The following TTC39A variants were observed in gnomAD, a reference collection of about 807,000 sequenced individuals.
The protein encoded by TTC39A is tetratricopeptide repeat domain 39A.
A neutral mutation model predicts 82.3 loss-of-function variants in TTC39A; 46 were observed. The ratio of observed to expected loss-of-function variants is 0.56; its 90% CI spans 0.44 to 0.71. The LOEUF (loss-of-function observed/expected upper bound fraction) is 0.71. Among genes scored for constraint, TTC39A ranks in the 30% least tolerant of loss-of-function variants. TTC39A has a pLI of 0.00. For missense variants in TTC39A, 543 were observed against 712.9 expected (o/e 0.76, Z 2.71); for synonymous variants, 254 against 275.2 (o/e 0.92, Z 0.76).
chr1:51,333,220 C>CAAA (rs748559262), upstream of TTC39A, among the ~76,000 whole-genome samples: 257 of 80,022 alleles, frequency 3.2e-3, 1 homozygote, highest in East Asian at 0.015. Flanking sequence ...TCGCCCCCAC[C>CAAA]AAAAAAAAAA....
chr1:51,300,835 C>T (rs1249374279), intron 12 of TTC39A: 2 of 152,270 alleles, frequency 1.3e-5, no homozygotes, highest in South Asian at 2.1e-4. Context: ...CTTCCCACCC[C>T]TCTGTTCCAG....
intron 2 of TTC39A, among the ~76,000 whole-genome samples, chr1:51,319,769 C>T (rs1212447364): frequency 6.6e-6 from 1 of 151,472 alleles, no homozygotes; most frequent in Non-Finnish European, 1.5e-5. Flanking sequence ...CTGCTCACTG[C>T]AACCTCCACC....
chr1:51,320,342 A>T (rs1375123937), intron 2 of TTC39A, among the ~76,000 whole-genome samples: 4 of 151,932 alleles, frequency 2.6e-5, no homozygotes, highest in African/African-American at 9.7e-5. Context: ...TGCAATAAGC[A>T]TTAATCACAA....
rs974789810 is a variant in TTC39A, at chr1:51,330,163, C to G, written c.41+274G>C. 1.5e-5 allele frequency: 15 copies of G among 985,628 alleles called. No individual in the cohort carries two copies. The highest frequency in any genetic ancestry group is 1.8e-5 in the Non-Finnish European group (15 of 830,104). The allele number at this position is 985,628 out of a possible 1,614,324, so 61.1% of individuals were successfully genotyped here. A position where few individuals can be genotyped will look rare whatever the true frequency, so the allele number is the denominator to read the frequency against. ...GCCACGAGGCAGGTGGGGAAGGCTG[C>G]TCTGAACGTGTCTGTGACTACAGCT... On this transcript the variant is annotated intron_variant, in intron 1 of 17. Transcript: ENST00000680483. The surrounding 1 kb of genome is among the most constrained non-coding windows in gnomAD (Gnocchi z 4.5).
chr1:51,288,940 T>A lies in TTC39A; in HGVS notation c.1509A>T (p.Lys503Asn). Residue 503 changes from lysine to asparagine, a missense_variant, in exon 17 of 18, where the codon AAA becomes AAT. Coordinates refer to ENST00000680483, the MANE Select transcript of TTC39A (RefSeq NM_001297663.2). This position sits in a 1 kb window ranked among gnomAD's most constrained non-coding sequence, Gnocchi z 4.8. ...RSISANEKKI[K>N]YDHYLIPNAL... ...CGTTTGGGATCAAGTAGTGGTCATA[T>A]TTAATCTTCTTTTCACTGCAGAACA... 1 of 1,603,674 alleles carries A rather than the reference T, an allele frequency of 6.2e-7. No homozygotes were observed. The highest frequency in any genetic ancestry group is 8.5e-7 in the Non-Finnish European group (1 of 1,175,020).
At chr1:51,289,958 T>A (rs772901236) in intron 16 of TTC39A, 47 bp downstream of exon 16, 1 of 1,531,534 alleles carries the variant, frequency 6.5e-7, no homozygotes. Flanking sequence ...CTGAATATTC[T>A]ACCCAGGAGA....
At chr1:51,319,639 GA>G (rs760092648) in intron 2 of TTC39A, among the ~76,000 whole-genome samples, 20 of 151,004 alleles carry the variant, frequency 1.3e-4, no homozygotes, top group Non-Finnish European at 1.0e-4. Context: ...AATTCTTAGG[GA>G]AAAAAATATA....
At chr1:51,291,667 A>T (rs1420047377) in intron 14 of TTC39A, among the ~76,000 whole-genome samples, 1 of 144,966 alleles carries the variant, frequency 6.9e-6, no homozygotes, top group Admixed American at 6.9e-5. Context: ...TTAGCCAGGC[A>T]TGGTGGTGCA....
At chr1:51,309,434 G>GTC (rs1644999694) in intron 5 of TTC39A, 109 bp from the exon 6 acceptor site, 1 of 1,577,772 alleles carries the variant, frequency 6.3e-7, no homozygotes, top group Non-Finnish European at 8.6e-7. Flanking sequence ...AGGAACCCTG[G>GTC]GGGGATGAGG....
At chr1:51,313,687 C>G (rs1255326575) in intron 2 of TTC39A, among the ~76,000 whole-genome samples, 2 of 152,172 alleles carry the variant, frequency 1.3e-5, no homozygotes, top group African/African-American at 4.8e-5. Flanking sequence ...TTTGCCCAGC[C>G]TGTTCCCTCA....
intron 2 of TTC39A, among the ~76,000 whole-genome samples, chr1:51,319,462 C>T (rs181343729): frequency 9.1e-4 from 139 of 152,162 alleles, no homozygotes; most frequent in African/African-American, 3.2e-3. Context: ...ACTGAGAACC[C>T]GCATAACAAT....
At chr1:51,334,569 C>A (rs1645951241), upstream of TTC39A, among the ~76,000 whole-genome samples, 3 of 151,470 alleles carry the variant, frequency 2.0e-5, no homozygotes, top group Admixed American at 6.6e-5. Flanking sequence ...GCAGGAGGAT[C>A]AATGGAGCCC....
intron 12 of TTC39A, 76 bp downstream of exon 12, chr1:51,301,496 G>A: frequency 6.7e-7 from 1 of 1,489,280 alleles, no homozygotes; most frequent in South Asian, 1.3e-5. Flanking sequence ...TGTTCAGTTA[G>A]GGATTTGGCC....
rs1645134179 is a variant in TTC39A at position 51,312,798 on chromosome 1, C to A, written c.278+14G>T. 2 of 1,611,922 alleles carry A rather than the reference C, an allele frequency of 1.2e-6. No homozygotes were observed. Among genetic ancestry groups the A allele is most frequent in the East Asian group, 2.2e-5 (1 of 44,852 alleles). On this transcript the variant is annotated intron_variant, in intron 3 of 17. Transcript: ENST00000680483. ...GCCTCCCAACCTCTGATCCCTGCCC[C>A]CAATGCCCCCAACCTCTGACACAGC...
intron 4 of TTC39A, 136 bp downstream of exon 4, chr1:51,311,983 T>C (rs1645100083): frequency 1.1e-6 from 1 of 946,228 alleles, no homozygotes; most frequent in East Asian, 2.6e-5. Flanking sequence ...GCCCCAGCTC[T>C]GACCCATGTG....
chr1:51,296,049 T>C lies in TTC39A; in HGVS notation c.1145+30A>G, dbSNP rs111674609. 47 of 1,555,990 alleles carry C rather than the reference T, an allele frequency of 3.0e-5. 1 individual carries two copies. In the African/African-American group the frequency reaches 4.4e-4, roughly 14 times the overall value. The stretch of plus-strand genomic sequence containing the variant: ...AGCGGCCTACACGGTGGGAGTGGCC[T>C]ACACAGTGGGAGCACGATGTGGGAC... On this transcript the variant is annotated intron_variant, in intron 13 of 17. Coordinates refer to ENST00000680483, the MANE Select transcript of TTC39A (RefSeq NM_001297663.2).
At chr1:51,320,416 C>CTT (rs57261779) in intron 2 of TTC39A, among the ~76,000 whole-genome samples, 29 of 79,462 alleles carry the variant, frequency 3.6e-4, no homozygotes, top group Admixed American at 1.9e-3. Context: ...TTTTCTTTTT[C>CTT]TTTTTTTTTT....
chr1:51,331,105 T>C (rs1645900459), upstream of TTC39A: 5 of 1,231,688 alleles, frequency 4.1e-6, no homozygotes, highest in Non-Finnish European at 5.8e-6. Context: ...ATTTTACAGA[T>C]GGGGAAACTG....
At chr1:51,342,515 G>C (rs1646049403) in intron 1 of TTC39A, among the ~76,000 whole-genome samples, 1 of 152,190 alleles carries the variant, frequency 6.6e-6, no homozygotes, top group Admixed American at 6.5e-5. Context: ...CGGCAGAGCA[G>C]GGGTTGAGCA....
Sources: allele counts gnomAD v4.1 joint callset (sites outside exome capture counted in the v4.1 genomes callset), GRCh38; gene constraint gnomAD v4.1.1; non-coding constraint Gnocchi (gnomAD v3.1); transcripts MANE v1.5; gene names NCBI Gene and HGNC (gene_info 2026-07-23, HGNC 2026-07-21).